FMN2: variants seen among roughly 807,000 people sequenced by gnomAD.
The protein encoded by FMN2 is formin 2, also known as formin-2.
FMN2 carries 51 observed loss-of-function variants against 142.3 expected under a neutral mutation model. The ratio of observed to expected loss-of-function variants is 0.36; its 90% confidence interval spans 0.29 to 0.45. FMN2 has a LOEUF of 0.45. Ranked by LOEUF, FMN2 falls within the 20% of genes least tolerant of loss-of-function variation. FMN2 has a pLI of 1.00. For missense variants in FMN2, 1,936 were observed against 2,122.8 expected, an observed-to-expected ratio of 0.91 and a Z score of 1.73; for synonymous variants, 882 against 869.8, an observed-to-expected ratio of 1.01 and a Z score of -0.25.
intron 16 of FMN2, among the ~76,000 whole-genome samples, chr1:240,442,477 T>C (rs1180884861): frequency 1.3e-5 from 2 of 152,202 alleles, no homozygotes; most frequent in African/African-American, 4.8e-5. Flanking sequence ...CCCAAAAAAG[T>C]AAACAATAAT....
At chr1:240,470,838 T>TA (rs5782143) in intron 16 of FMN2, among the ~76,000 whole-genome samples, 120 of 150,894 alleles carry the variant, frequency 8.0e-4, no homozygotes, top group South Asian at 1.0e-3. Context: ...CCCTTTTTAT[T>TA]AAAAAAAAAA....
At chr1:240,428,378 C>T (rs879709352) in intron 15 of FMN2, among the ~76,000 whole-genome samples, 3 of 150,804 alleles carry the variant, frequency 2.0e-5, no homozygotes, top group Non-Finnish European at 4.4e-5. Flanking sequence ...CAGGTGCACA[C>T]CACCACACCT....
intron 8 of FMN2, among the ~76,000 whole-genome samples, chr1:240,328,167 A>AAAAAAGAAAAAAAAAAG (rs1671250571): frequency 7.1e-6 from 1 of 141,076 alleles, no homozygotes; most frequent in African/African-American, 2.7e-5. Context: ...AAAAAAAAAA[A>AAAAAAGAAAAAAAAAAG]AAAAAGAAAA....
At chr1:240,381,783 T>C (rs1673234770) in intron 14 of FMN2, among the ~76,000 whole-genome samples, 1 of 152,130 alleles carries the variant, frequency 6.6e-6, no homozygotes, top group Admixed American at 6.5e-5. Context: ...CATTGCTTCA[T>C]GATAAAAACC....
intron 6 of FMN2, among the ~76,000 whole-genome samples, chr1:240,233,741 G>A (rs1165133938): frequency 6.6e-6 from 1 of 152,142 alleles, no homozygotes; most frequent in East Asian, 1.9e-4. Context: ...TAATTCATTA[G>A]GGATAAAACC....
intron 4 of FMN2, among the ~76,000 whole-genome samples, chr1:240,197,063 C>T (rs1438377009): frequency 1.3e-5 from 2 of 152,084 alleles, no homozygotes; most frequent in Non-Finnish European, 2.9e-5. Context: ...TGGGGCTGGT[C>T]CACAGAAAGA....
chr1:240,312,035 A>G (rs1670619603), intron 8 of FMN2, among the ~76,000 whole-genome samples: 1 of 152,196 alleles, frequency 6.6e-6, no homozygotes. Flanking sequence ...GTTGACATCC[A>G]AAAGGCTGAC....
chr1:240,152,572 G>A (rs1269853516), intron 2 of FMN2, among the ~76,000 whole-genome samples: 2 of 152,090 alleles, frequency 1.3e-5, no homozygotes, highest in African/African-American at 2.4e-5. Flanking sequence ...TTCTTCTTAC[G>A]CTTGTTCCCA....
At chr1:240,298,098 G>A (rs10802858) in intron 8 of FMN2, among the ~76,000 whole-genome samples, 31,336 of 152,076 alleles carry the variant, frequency 0.21, 3,495 homozygotes, top group Admixed American at 0.33. Context: ...AACATTCAGC[G>A]TATAGTATAC....
At chr1:240,264,517 A>G (rs1572132484) in intron 7 of FMN2, among the ~76,000 whole-genome samples, 1 of 151,956 alleles carries the variant, frequency 6.6e-6, no homozygotes, top group African/African-American at 2.4e-5. Flanking sequence ...TTCTCCTAAT[A>G]CTATCCCTCC....
chr1:240,308,164 G>A (rs936554699), intron 8 of FMN2, among the ~76,000 whole-genome samples: 2 of 152,144 alleles, frequency 1.3e-5, no homozygotes, highest in African/African-American at 4.8e-5. Flanking sequence ...GAAGCCATGT[G>A]TAAATCTAAG....
chr1:240,295,201 C>T (rs927200389), intron 8 of FMN2, among the ~76,000 whole-genome samples: 1 of 93,784 alleles, frequency 1.1e-5, no homozygotes, highest in African/African-American at 3.8e-5. Flanking sequence ...CACACACACA[C>T]ACACACACAC....
At chr1:240,265,207 A>G (rs1325335433) in intron 7 of FMN2, among the ~76,000 whole-genome samples, 1 of 152,218 alleles carries the variant, frequency 6.6e-6, no homozygotes, top group Non-Finnish European at 1.5e-5. Flanking sequence ...TTCATTTATT[A>G]TGTGTCATAT....
chr1:240,414,782 G>T (rs534458859), intron 15 of FMN2, among the ~76,000 whole-genome samples: 2 of 152,086 alleles, frequency 1.3e-5, no homozygotes, highest in Non-Finnish European at 2.9e-5. Context: ...AACACAAATG[G>T]TACTTGTAAG....
At chr1:240,444,006 A>T (rs565605239) in intron 16 of FMN2, among the ~76,000 whole-genome samples, 1 of 152,220 alleles carries the variant, frequency 6.6e-6, no homozygotes, top group South Asian at 2.1e-4. Flanking sequence ...TTGACTAAGA[A>T]TGTGTGTCTT....
At chr1:240,323,813 C>G (rs1039514880) in intron 8 of FMN2, among the ~76,000 whole-genome samples, 2 of 152,166 alleles carry the variant, frequency 1.3e-5, no homozygotes, top group Non-Finnish European at 2.9e-5. Flanking sequence ...TGAGCCTCCC[C>G]CAGGATCTGT....
intron 13 of FMN2, among the ~76,000 whole-genome samples, chr1:240,354,507 G>C (rs775772530): frequency 2.0e-5 from 3 of 152,176 alleles, no homozygotes; most frequent in Non-Finnish European, 4.4e-5. Context: ...ATGGGCTATA[G>C]ATACAGGTTA....
rs1465821580 is a variant in FMN2, at chr1:240,092,271, C to T, written c.162C>T (p.Gly54=). The T allele has an allele frequency of 1.7e-5, 2 of 115,034 alleles. No individual in the cohort carries two copies. Among genetic ancestry groups the T allele is most frequent in the South Asian group, 3.3e-4 (2 of 6,014 alleles). 7.1% of individuals were successfully genotyped at this position (115,034 alleles called of 1,614,324 possible). The part of the protein sequence containing the change: ...ALGKHGKGGG[G]GGGGGESGKK... ...GCAAGCACGGCAAGGGGGGAGGGGGCGGCGGCGGCGGCGGGGAGTCGGGCA... is the reference window on the plus strand; with the variant it reads ...GCAAGCACGGCAAGGGGGGAGGGGGTGGCGGCGGCGGCGGGGAGTCGGGCA... Residue 54 remains glycine, a synonymous_variant, in exon 1 of 18, where the codon GGC becomes GGT. Transcript: ENST00000319653.
intron 6 of FMN2, among the ~76,000 whole-genome samples, chr1:240,219,988 C>T (rs1339377648): frequency 1.3e-5 from 2 of 152,056 alleles, no homozygotes; most frequent in Non-Finnish European, 2.9e-5. Flanking sequence ...AGTATTTCAC[C>T]TTTAGTTTTT....
Sources: gnomAD v4.1 joint callset for allele counts (sites outside exome capture counted in the v4.1 genomes callset) on GRCh38, gnomAD v4.1.1 for gene constraint, MANE v1.5 for transcripts, NCBI Gene and HGNC (gene_info 2026-07-23, HGNC 2026-07-21) for gene names.